SNX29: variants seen among roughly 807,000 people sequenced by gnomAD.
SNX29 encodes the protein sorting nexin 29, also known as sorting nexin-29.
A neutral mutation model predicts 102.1 loss-of-function variants in SNX29; 78 were observed. The ratio of observed to expected loss-of-function variants is 0.76; its 90% CI spans 0.64 to 0.92. The LOEUF is 0.92. SNX29 is among the 40% of genes least tolerant of loss of function. The pLI is 0.00. For synonymous variants in SNX29, 580 were observed against 414.5 expected (o/e 1.40, Z -4.85); for missense variants, 1,280 against 1,061.7 (o/e 1.21, Z -2.86).
At chr16:12,460,960 G>A (rs928392421) in intron 18 of SNX29, among the ~76,000 whole-genome samples, 1 of 152,206 alleles carries the variant, frequency 6.6e-6, no homozygotes, top group African/African-American at 2.4e-5. Flanking sequence ...AACTTCTTTA[G>A]AACAGGCACA....
At chr16:12,557,218 T>TAC (rs1302828472) in intron 20 of SNX29, 1 of 152,128 alleles carries the variant, frequency 6.6e-6, no homozygotes, top group Non-Finnish European at 1.5e-5. Context: ...AAGGCTGACA[T>TAC]ACGAATTTGG....
At chr16:11,987,362 A>C (rs1157393150) in intron 1 of SNX29, among the ~76,000 whole-genome samples, 1 of 144,432 alleles carries the variant, frequency 6.9e-6, no homozygotes, top group Non-Finnish European at 1.5e-5. Context: ...GAGCCACTGC[A>C]CCCGGCCTGG....
chr16:12,269,104 T>A (rs993921111), intron 14 of SNX29, among the ~76,000 whole-genome samples: 6 of 152,256 alleles, frequency 3.9e-5, no homozygotes, highest in Non-Finnish European at 8.8e-5. Context: ...ACAGTCTCCC[T>A]GTCTATTTGA....
chr16:12,042,210 T>C (rs1170611992), intron 4 of SNX29, among the ~76,000 whole-genome samples: 1 of 152,134 alleles, frequency 6.6e-6, no homozygotes, highest in African/African-American at 2.4e-5. Context: ...TTTGCATTTT[T>C]AGTAGAGATG....
chr16:12,526,840 G>A (rs768920802), intron 20 of SNX29: 89 of 403,064 alleles, frequency 2.2e-4, no homozygotes, highest in Non-Finnish European at 3.4e-4. Flanking sequence ...AAACATTCGC[G>A]TGCCGAATTG....
At chr16:12,000,066 G>T (rs1287091352) in intron 2 of SNX29, among the ~76,000 whole-genome samples, 1 of 152,092 alleles carries the variant, frequency 6.6e-6, no homozygotes, top group Non-Finnish European at 1.5e-5. Flanking sequence ...CACGCCTGAG[G>T]TCCTCTGCTG....
intron 11 of SNX29, among the ~76,000 whole-genome samples, chr16:12,120,425 C>T (rs1272533831): frequency 6.6e-6 from 1 of 152,224 alleles, no homozygotes; most frequent in African/African-American, 2.4e-5. Context: ...TGTGTGCGCA[C>T]ACATGCGTCC....
chr16:12,051,797 T>A (rs1484368100), intron 7 of SNX29, 50 bp from the exon 8 acceptor site: 44 of 1,584,638 alleles, frequency 2.8e-5, no homozygotes, highest in Non-Finnish European at 3.8e-5. Context: ...ATCATCCTTT[T>A]GTCTTGCCTC....
intron 14 of SNX29, among the ~76,000 whole-genome samples, chr16:12,250,057 C>T (rs995159442): frequency 5.9e-5 from 9 of 152,146 alleles, no homozygotes; most frequent in African/African-American, 2.2e-4. Flanking sequence ...GAGCCCAGAG[C>T]AGGAGCCCAT....
At chr16:12,244,237 G>A (rs368960126) in intron 14 of SNX29, among the ~76,000 whole-genome samples, 1 of 152,194 alleles carries the variant, frequency 6.6e-6, no homozygotes, top group Non-Finnish European at 1.5e-5. Context: ...GGCCTTGGGG[G>A]TTGGAGACCC....
At chr16:12,557,524 A>C (rs1302731246) in intron 20 of SNX29, 24 of 151,880 alleles carry the variant, frequency 1.6e-4, no homozygotes, top group Admixed American at 1.6e-3. Context: ...ACCTCTCCCA[A>C]CTAATTTTTG....
chr16:12,062,899 T>G (rs560971999), intron 9 of SNX29, among the ~76,000 whole-genome samples: 1 of 152,288 alleles, frequency 6.6e-6, no homozygotes, highest in Non-Finnish European at 1.5e-5. Flanking sequence ...CTCTAGAAAG[T>G]TGAGTAAGCC....
chr16:12,196,821 A>G (rs1231246888), intron 13 of SNX29, among the ~76,000 whole-genome samples: 2 of 151,996 alleles, frequency 1.3e-5, no homozygotes, highest in African/African-American at 2.4e-5. Flanking sequence ...GGGTTTCACC[A>G]TGTTGGCCAG....
rs1218161485 is a variant in SNX29 at position 12,573,673 on chromosome 16, AC to A, written c.*5045del. 1.3e-5 allele frequency: 3 copies of A among 223,016 alleles called. No individual in the cohort carries two copies. The highest frequency in any genetic ancestry group is 5.7e-5 in the Admixed American group (1 of 17,450). The allele number at this position is 223,016 out of a possible 1,614,324, so 13.8% of individuals were successfully genotyped here. On this transcript the variant is annotated 3_prime_UTR_variant, in exon 21 of 21. Transcript: ENST00000566228. ...CTCATTCACTGTCAGTGTAGGTAAG[AC>A]AGAGGATGCCCTTGCAAAAATTGGG... is the stretch of plus-strand genomic sequence containing the variant.
At chr16:12,264,064 C>T (rs779880431) in intron 14 of SNX29, among the ~76,000 whole-genome samples, 23 of 152,200 alleles carry the variant, frequency 1.5e-4, no homozygotes, top group Non-Finnish European at 2.9e-4. Flanking sequence ...TGTTAACCTA[C>T]GAGAAAGGTG....
At chr16:12,553,959 C>T (rs531192945) in intron 20 of SNX29, among the ~76,000 whole-genome samples, 1 of 152,156 alleles carries the variant, frequency 6.6e-6, no homozygotes, top group East Asian at 1.9e-4. Context: ...ACCCAAGTAG[C>T]TGGGACTACA....
At chr16:12,432,319 TGTG>T (rs2085347263) in intron 18 of SNX29, among the ~76,000 whole-genome samples, 1 of 152,220 alleles carries the variant, frequency 6.6e-6, no homozygotes, top group Non-Finnish European at 1.5e-5. Flanking sequence ...CCAGAAACCT[TGTG>T]GTGTGGTGGA....
At chr16:12,233,084 C>T (rs2077818542) in intron 14 of SNX29, among the ~76,000 whole-genome samples, 1 of 152,180 alleles carries the variant, frequency 6.6e-6, no homozygotes, top group African/African-American at 2.4e-5. Context: ...TCTTTGTCTT[C>T]ATCTTCTTTG....
At chr16:12,531,658 C>G (rs539161742) in intron 20 of SNX29, among the ~76,000 whole-genome samples, 14 of 152,036 alleles carry the variant, frequency 9.2e-5, no homozygotes, top group Non-Finnish European at 1.8e-4. Context: ...CAGAAGATGC[C>G]GAGTTTTGAG....
Sources: allele counts gnomAD v4.1 joint callset (sites outside exome capture counted in the v4.1 genomes callset), GRCh38; gene constraint gnomAD v4.1.1; transcripts MANE v1.5; gene names NCBI Gene and HGNC (gene_info 2026-07-23, HGNC 2026-07-21).